ARHGAP35: variants seen among roughly 807,000 people sequenced by gnomAD.
ARHGAP35 encodes the protein rho GTPase-activating protein 35.
In ARHGAP35, 15 loss-of-function variants were observed where a neutral mutation model predicts 111.1. The ratio of observed to expected loss-of-function variants is 0.13; its 90% CI spans 0.09 to 0.21. ARHGAP35 has a LOEUF of 0.21. Among genes scored for constraint, ARHGAP35 ranks in the 10% least tolerant of loss-of-function variants. The pLI, the probability that ARHGAP35 is intolerant of heterozygous loss-of-function variation, is 1.00. For synonymous variants in ARHGAP35, 643 were observed against 710.3 expected, an observed-to-expected ratio of 0.91 and a Z score of 1.51; for missense variants, 1,262 against 1,873.0, an observed-to-expected ratio of 0.67 and a Z score of 6.02.
intron 1 of ARHGAP35, among the ~76,000 whole-genome samples, chr19:46,900,812 T>C (rs1002006410): frequency 2.6e-5 from 4 of 152,038 alleles, no homozygotes; most frequent in Non-Finnish European, 5.9e-5. Flanking sequence ...GCAGTTGCTG[T>C]TCAGCTGCCT....
intron 1 of ARHGAP35, among the ~76,000 whole-genome samples, chr19:46,875,849 C>T (rs945332515): frequency 3.3e-5 from 5 of 152,110 alleles, no homozygotes; most frequent in African/African-American, 1.2e-4. Flanking sequence ...GGTCTTTGTA[C>T]AACTTGTAAT....
At chr19:46,888,422 C>T (rs1185554073) in intron 1 of ARHGAP35, among the ~76,000 whole-genome samples, 1 of 147,694 alleles carries the variant, frequency 6.8e-6, no homozygotes, top group African/African-American at 2.5e-5. Context: ...CTGGCAGCAG[C>T]TTCCCTCATG....
At chr19:46,996,229 A>C (rs2056706696) in intron 5 of ARHGAP35, among the ~76,000 whole-genome samples, 1 of 152,028 alleles carries the variant, frequency 6.6e-6, no homozygotes, top group Non-Finnish European at 1.5e-5. Context: ...TCAGCCTCCC[A>C]AATAGCTGGG....
In ARHGAP35 at chr19:46,993,710, G is replaced by A. The variant is rs543042631; in HGVS notation, c.4036+4035G>A. On this transcript the variant is annotated intron_variant, in intron 5 of 6. Transcript: ENST00000672722. The surrounding 1 kb of genome is among the most constrained non-coding windows in gnomAD (Gnocchi z 4.6). ...TTGGACGTTTCTTGTTGTCTCAGTC[G>A]ATGGCCCCTAAGTTCAAAAGTATGA... Among the ~76,000 whole-genome samples the A allele has an allele frequency of 5.3e-5, 8 of 152,210 alleles. No individual in the cohort carries two copies. Among genetic ancestry groups the A allele is most frequent in the African/African-American group, 9.6e-5 (4 of 41,526 alleles).
intron 1 of ARHGAP35, among the ~76,000 whole-genome samples, chr19:46,873,920 G>T (rs1443284521): frequency 6.6e-6 from 1 of 151,902 alleles, no homozygotes; most frequent in East Asian, 1.9e-4. Flanking sequence ...GGCTAATTTT[G>T]TATTTTTAGT....
chr19:46,935,197 G>T (rs907131229), intron 2 of ARHGAP35, among the ~76,000 whole-genome samples: 2 of 152,194 alleles, frequency 1.3e-5, no homozygotes, highest in African/African-American at 2.4e-5. Context: ...ACTTTATGAG[G>T]AGCAGGTATC....
intron 3 of ARHGAP35, among the ~76,000 whole-genome samples, chr19:46,958,533 T>G (rs2056455941): frequency 6.6e-6 from 1 of 152,182 alleles, no homozygotes; most frequent in Non-Finnish European, 1.5e-5. Context: ...CTTAAATATT[T>G]TATGTGTGGA....
At chr19:46,914,466 A>T (rs2056154103) in intron 1 of ARHGAP35, among the ~76,000 whole-genome samples, 1 of 151,578 alleles carries the variant, frequency 6.6e-6, no homozygotes, top group South Asian at 2.1e-4. Context: ...AATAATAATA[A>T]ATTAGCCAGG....
In ARHGAP35 at chr19:46,922,539, T is replaced by C. The variant is rs2056209845; in HGVS notation, c.3681+183T>C. 6.6e-6 allele frequency among the ~76,000 whole-genome samples: 1 copy of C among 152,136 alleles called. No individual in the cohort carries two copies. Among genetic ancestry groups the C allele is most frequent in the South Asian group, 2.1e-4 (1 of 4,826 alleles). ...ACCATTATTGGCAGCTCTCAAGTAGTTAGGACTTTGGATAGATAGTCTGAG... is the reference window on the plus strand; with the variant it reads ...ACCATTATTGGCAGCTCTCAAGTAGCTAGGACTTTGGATAGATAGTCTGAG... On this transcript the variant is annotated intron_variant, in intron 2 of 6. Coordinates refer to ENST00000672722, the MANE Select transcript of ARHGAP35 (RefSeq NM_004491.5). The surrounding 1 kb of genome is among the most constrained non-coding windows in gnomAD (Gnocchi z 4.0).
intron 1 of ARHGAP35, among the ~76,000 whole-genome samples, chr19:46,862,772 T>C (rs1279811418): frequency 6.6e-6 from 1 of 151,936 alleles, no homozygotes; most frequent in Non-Finnish European, 1.5e-5. Flanking sequence ...CCCTCCCGAG[T>C]CTTTTAAGTT....
chr19:46,912,757 A>G (rs549944475), intron 1 of ARHGAP35, among the ~76,000 whole-genome samples: 2 of 152,212 alleles, frequency 1.3e-5, no homozygotes, highest in African/African-American at 4.8e-5. Flanking sequence ...CCTGACATGG[A>G]AAGTGCTTCC....
At chr19:46,878,396 C>T (rs960550010) in intron 1 of ARHGAP35, among the ~76,000 whole-genome samples, 28 of 152,134 alleles carry the variant, frequency 1.8e-4, no homozygotes, top group African/African-American at 6.5e-4. Context: ...TCTCAGCTCA[C>T]TGCAACGTCT....
At chr19:46,937,661 G>C (rs1042595688) in intron 3 of ARHGAP35, among the ~76,000 whole-genome samples, 1 of 152,208 alleles carries the variant, frequency 6.6e-6, no homozygotes, top group African/African-American at 2.4e-5. Context: ...GGCAGCTATG[G>C]CTGCTTGGGC....
chr19:46,916,560 G>A (rs1292955039), intron 1 of ARHGAP35, among the ~76,000 whole-genome samples: 2 of 152,138 alleles, frequency 1.3e-5, no homozygotes, highest in East Asian at 3.8e-4. Flanking sequence ...GTCATAGGCT[G>A]AGGACACAGA....
chr19:46,980,107 G>A (rs1035719194), intron 3 of ARHGAP35, among the ~76,000 whole-genome samples: 2 of 152,164 alleles, frequency 1.3e-5, no homozygotes, highest in African/African-American at 4.8e-5. Context: ...ATTGAGGGCC[G>A]GGCGCGGTGT....
intron 5 of ARHGAP35, among the ~76,000 whole-genome samples, chr19:46,990,164 G>A (rs1233541094): frequency 6.6e-6 from 1 of 152,200 alleles, no homozygotes. Flanking sequence ...GGGTCCTACA[G>A]CCTCTTAGGA....
At position 46,872,113 on chromosome 19, in the gene ARHGAP35, C is replaced by T. The variant is rs115574187; in HGVS notation, c.-189+10904C>T. Among the ~76,000 whole-genome samples, 1,246 of 151,924 alleles carry T rather than the reference C, an allele frequency of 8.2e-3. 15 individuals are homozygous for T. Among genetic ancestry groups the T allele is most frequent in the African/African-American group, 0.029 (1,193 of 41,430 alleles). The stretch of plus-strand genomic sequence containing the variant: ...TTAAAAAAAAATCTAAATGTTTTAA[C>T]CTTAGGGGAATGGTTTGCTTTGTGG... On this transcript the variant is annotated intron_variant, in intron 1 of 6. Transcript: ENST00000672722.
intron 1 of ARHGAP35, among the ~76,000 whole-genome samples, chr19:46,896,143 C>T (rs2056054847): frequency 6.6e-6 from 1 of 152,010 alleles, no homozygotes; most frequent in Admixed American, 6.6e-5. Flanking sequence ...GTGGCTCACA[C>T]CTGTAATCCC....
At chr19:46,897,043 GCCA>G (rs1425446153) in intron 1 of ARHGAP35, among the ~76,000 whole-genome samples, 1 of 150,094 alleles carries the variant, frequency 6.7e-6, no homozygotes, top group Non-Finnish European at 1.5e-5. Flanking sequence ...ACAAGCGCAT[GCCA>G]CCACACCTGG....
Sources: allele counts gnomAD v4.1 joint callset (sites outside exome capture counted in the v4.1 genomes callset), GRCh38; gene constraint gnomAD v4.1.1; non-coding constraint Gnocchi (gnomAD v3.1); transcripts MANE v1.5; gene names NCBI Gene and HGNC (gene_info 2026-07-23, HGNC 2026-07-21).